Variants in WDPCP observed in about 807,000 individuals in gnomAD.
WDPCP encodes WD repeat containing planar cell polarity effector.
Under a neutral mutation model 93.1 loss-of-function variants are expected in WDPCP, and 71 were observed. The ratio of observed to expected loss-of-function variants is 0.76; its 90% CI spans 0.63 to 0.93. WDPCP has a LOEUF of 0.93. WDPCP is among the 40% of genes least tolerant of loss of function. The pLI, the probability that WDPCP is intolerant of heterozygous loss-of-function variation, is 0.00. For missense variants in WDPCP, 844 were observed against 887.4 expected, an observed-to-expected ratio of 0.95 and a Z score of 0.62; for synonymous variants, 315 against 315.0, an observed-to-expected ratio of 1.00 and a Z score of 0.00.
chr2:63,679,099 T>A (rs1710458884), intron 2 of WDPCP, among the ~76,000 whole-genome samples: 1 of 152,246 alleles, frequency 6.6e-6, no homozygotes, highest in African/African-American at 2.4e-5. Context: ...CTAGTTTATG[T>A]TTCTGCAGTT....
In WDPCP at chr2:63,171,267, C is replaced by T. The variant is rs1673370439; in HGVS notation, c.2078+3403G>A. 2.0e-5 allele frequency among the ~76,000 whole-genome samples: 3 copies of T among 152,246 alleles called. No homozygotes were observed. The East Asian group carries it at 5.8e-4, about 29-fold the overall frequency. On this transcript the variant is annotated intron_variant, in intron 15 of 17. Transcript: ENST00000272321. ...AAGACACTACTGGAAAATGAAAAGG[C>T]AGATCACAGACGGAGAAAATACTTG...
chr2:63,492,091 T>C (rs1255402070), intron 2 of WDPCP, among the ~76,000 whole-genome samples: 2 of 152,132 alleles, frequency 1.3e-5, no homozygotes. Flanking sequence ...GATGAAAATA[T>C]CAAAGTCATC....
At chr2:63,520,841 G>A (rs1340772955) in intron 1 of WDPCP, among the ~76,000 whole-genome samples, 1 of 149,758 alleles carries the variant, frequency 6.7e-6, no homozygotes, top group African/African-American at 2.5e-5. Flanking sequence ...AAGCTGCAGT[G>A]AGCCATGATT....
At chr2:63,370,538 T>C (rs766282445) in intron 12 of WDPCP, among the ~76,000 whole-genome samples, 8 of 152,084 alleles carry the variant, frequency 5.3e-5, no homozygotes, top group African/African-American at 1.9e-4. Context: ...ATTACAACTA[T>C]GTAAAAAATG....
intron 10 of WDPCP, among the ~76,000 whole-genome samples, chr2:63,384,519 A>G (rs1240844060): frequency 1.3e-5 from 2 of 152,136 alleles, no homozygotes; most frequent in African/African-American, 4.8e-5. Flanking sequence ...ACGTGCACCA[A>G]TGCACACACA....
rs529424812 is a variant in WDPCP at position 63,199,021 on chromosome 2, G to A, written c.1916-24189C>T. On this transcript the variant is annotated intron_variant, in intron 14 of 17. Transcript: ENST00000272321. ...TGCTATGCTTTAGCAGAGACTGACA[G>A]CATTGTGCCCCTGCTCTGGGGATCT... Among the ~76,000 whole-genome samples the A allele has an allele frequency of 2.6e-5, 4 of 152,322 alleles. No individual in the cohort carries two copies. The South Asian group carries it at 8.3e-4, about 32-fold the overall frequency.
chr2:63,438,043 G>A, intron 7 of WDPCP: 2 of 1,247,922 alleles, frequency 1.6e-6, no homozygotes, highest in South Asian at 3.4e-5. Flanking sequence ...TATACAAGCT[G>A]GATGAAATAA....
intron 14 of WDPCP, among the ~76,000 whole-genome samples, chr2:63,212,119 C>T (rs976663431): frequency 7.9e-5 from 12 of 152,038 alleles, no homozygotes; most frequent in Admixed American, 3.3e-4. Context: ...ATACAGAGAA[C>T]GCCACAGATA....
intron 14 of WDPCP, among the ~76,000 whole-genome samples, chr2:63,255,665 C>G (rs891616412): frequency 1.8e-4 from 27 of 152,256 alleles, no homozygotes; most frequent in Non-Finnish European, 2.4e-4. Context: ...CACCATACTT[C>G]TCATATAGCC....
At chr2:63,596,229 A>G (rs1558859994) in intron 3 of WDPCP, among the ~76,000 whole-genome samples, 1 of 152,224 alleles carries the variant, frequency 6.6e-6, no homozygotes, top group Non-Finnish European at 1.5e-5. Flanking sequence ...GGATTAATTA[A>G]TGATACTCTC....
chr2:63,811,967 T>G (rs1191734350), intron 2 of WDPCP, among the ~76,000 whole-genome samples: 7 of 152,072 alleles, frequency 4.6e-5, no homozygotes, highest in Admixed American at 2.0e-4. Context: ...TGGGCTCAGG[T>G]GATCCTCCCA....
intron 14 of WDPCP, among the ~76,000 whole-genome samples, chr2:63,252,603 T>G (rs577913492): frequency 6.6e-5 from 10 of 152,094 alleles, no homozygotes; most frequent in African/African-American, 2.2e-4. Flanking sequence ...AACAGAAAAA[T>G]CAGTGCCATT....
At chr2:63,315,533 ATAAC>A (rs1176045752) in intron 12 of WDPCP, among the ~76,000 whole-genome samples, 2 of 152,206 alleles carry the variant, frequency 1.3e-5, no homozygotes, top group Admixed American at 6.5e-5. Context: ...ACAAGGCACT[ATAAC>A]TAAAAATTAG....
chr2:63,296,658 G>A (rs1446019839), intron 13 of WDPCP, among the ~76,000 whole-genome samples: 2 of 152,040 alleles, frequency 1.3e-5, no homozygotes, highest in Admixed American at 6.5e-5. Flanking sequence ...TAACATTCAA[G>A]CTGAGAGTCA....
intron 2 of WDPCP, among the ~76,000 whole-genome samples, chr2:63,723,034 A>G (rs1669448621): frequency 6.6e-6 from 1 of 152,082 alleles, no homozygotes; most frequent in African/African-American, 2.4e-5. Context: ...TCAGCGTTGA[A>G]CGGATTAAGG....
At chr2:63,526,380 G>C (rs927774052) in intron 1 of WDPCP, among the ~76,000 whole-genome samples, 1 of 151,910 alleles carries the variant, frequency 6.6e-6, no homozygotes, top group Non-Finnish European at 1.5e-5. Context: ...TAAAATATTT[G>C]GGGTGAAAAG....
intron 2 of WDPCP, among the ~76,000 whole-genome samples, chr2:63,739,412 T>G (rs1669684463): frequency 6.6e-6 from 1 of 152,196 alleles, no homozygotes; most frequent in Admixed American, 6.5e-5. Flanking sequence ...CACATTTTCT[T>G]TATCCAATCC....
chr2:63,224,375 G>A (rs1357291330), intron 14 of WDPCP, among the ~76,000 whole-genome samples: 1 of 151,902 alleles, frequency 6.6e-6, no homozygotes, highest in Non-Finnish European at 1.5e-5. Context: ...ATGACCCAAT[G>A]CTTGCACTCC....
chr2:63,817,108 C>T (rs951212912), intron 1 of WDPCP, among the ~76,000 whole-genome samples: 2 of 145,776 alleles, frequency 1.4e-5, no homozygotes, highest in African/African-American at 5.1e-5. Context: ...TCAAGAGCTG[C>T]TACATTTTTT....
Sources: allele counts gnomAD v4.1 joint callset (sites outside exome capture counted in the v4.1 genomes callset), GRCh38; gene constraint gnomAD v4.1.1; transcripts MANE v1.5; gene names NCBI Gene and HGNC (gene_info 2026-07-23, HGNC 2026-07-21).